SETD2: variants seen among roughly 807,000 people sequenced by gnomAD.
SETD2 encodes histone-lysine N-methyltransferase SETD2.
SETD2 carries 31 observed loss-of-function variants against 242.1 expected under a neutral mutation model. The observed-to-expected ratio is 0.13, with a 90% CI of 0.10 to 0.17. SETD2 has a LOEUF of 0.17. Ranked by LOEUF, SETD2 falls within the 10% of genes least tolerant of loss-of-function variation. The pLI, the probability that SETD2 is intolerant of heterozygous loss-of-function variation, is 1.00. For synonymous variants in SETD2, 1,006 were observed against 1,066.5 expected (o/e 0.94, Z 1.11); for missense variants, 2,481 against 3,046.3 (o/e 0.81, Z 4.37).
intron 9 of SETD2, among the ~76,000 whole-genome samples, chr3:47,091,658 G>C (rs1241353953): frequency 6.6e-6 from 1 of 152,158 alleles, no homozygotes; most frequent in African/African-American, 2.4e-5. Flanking sequence ...AGCTACTCAG[G>C]AGGCTGTGGC....
intron 5 of SETD2, among the ~76,000 whole-genome samples, chr3:47,112,264 G>A (rs1469982565): frequency 3.3e-5 from 5 of 151,518 alleles, no homozygotes; most frequent in East Asian, 2.0e-4. Context: ...ACAGCTGTGC[G>A]CCATCATGCC....
chr3:47,040,569 A>AGTTTT (rs2039232137), intron 17 of SETD2, among the ~76,000 whole-genome samples: 1 of 91,740 alleles, frequency 1.1e-5, no homozygotes, highest in Non-Finnish European at 2.0e-5. Flanking sequence ...AGGGAAAAGG[A>AGTTTT]TTTTTTTTTT....
intron 13 of SETD2, among the ~76,000 whole-genome samples, chr3:47,064,301 C>T (rs1294341892): frequency 3.3e-5 from 5 of 152,096 alleles, no homozygotes; most frequent in Non-Finnish European, 7.3e-5. Flanking sequence ...TATGAGCATT[C>T]GTCAACAAGA....
At chr3:47,053,901 T>C (rs2039952936) in intron 15 of SETD2, among the ~76,000 whole-genome samples, 1 of 152,230 alleles carries the variant, frequency 6.6e-6, no homozygotes, top group South Asian at 2.1e-4. Context: ...GAATCTATCA[T>C]TATTAATATC....
chr3:47,106,526 A>AAAAC (rs1559726485), intron 5 of SETD2, among the ~76,000 whole-genome samples: 3 of 133,262 alleles, frequency 2.3e-5, no homozygotes, highest in African/African-American at 8.1e-5. Flanking sequence ...AAAAAAAAAA[A>AAAAC]GGCAGCCGGG....
rs1035201331 is a variant in SETD2, at chr3:47,124,240, T to C, written c.396A>G (p.Pro132=). The C allele has an allele frequency of 2.6e-6, 4 of 1,551,742 alleles. No individual in the cohort carries two copies. The highest frequency in any genetic ancestry group is 3.5e-6 in the Non-Finnish European group (4 of 1,146,990). Residue 132 remains proline (P), a synonymous_variant, in exon 3 of 21, where the codon CCA becomes CCG. Transcript: ENST00000409792. ...TGCCCAATTCCACCCTTGACTTTGG[T>C]GGGGAAGATTCTTCTGCAGTAGATA... is the stretch of plus-strand genomic sequence containing the variant. The part of the protein sequence containing the change: ...DTLSTAEESS[P]PKSRVELGKI...
chr3:47,141,852 TAA>T (rs1050056036), intron 1 of SETD2, among the ~76,000 whole-genome samples: 3 of 152,168 alleles, frequency 2.0e-5, no homozygotes, highest in Admixed American at 6.5e-5. Flanking sequence ...CTGGTTTTGG[TAA>T]AGAGTTTAAG....
At chr3:47,036,746 T>C (rs1459984645) in intron 18 of SETD2, among the ~76,000 whole-genome samples, 7 of 151,156 alleles carry the variant, frequency 4.6e-5, no homozygotes, top group Admixed American at 4.6e-4. Flanking sequence ...CTACTACAAA[T>C]ACAAAAATTA....
chr3:47,047,378 C>CT (rs1168857702), intron 15 of SETD2, among the ~76,000 whole-genome samples: 119 of 152,224 alleles, frequency 7.8e-4, no homozygotes, highest in Non-Finnish European at 8.8e-5. Context: ...AGAAAATCTG[C>CT]TTAAATAAGA....
intron 5 of SETD2, among the ~76,000 whole-genome samples, chr3:47,110,296 G>A (rs2042600574): frequency 6.6e-6 from 1 of 152,156 alleles, no homozygotes; most frequent in Admixed American, 6.6e-5. Context: ...TGCTTAACAG[G>A]CAGAGTTAGT....
rs1410684482 is a variant in SETD2, at chr3:47,163,918, G to C, written c.7C>G (p.Gln3Glu). Residue 3 changes from glutamine to glutamate, a missense_variant, in exon 1 of 21, where the codon CAG becomes GAG. Physicochemically the swap from Gln to Glu is conservative, Grantham distance 29. Around this residue, in one of 17 missense-constraint regions of SETD2, gnomAD observed 334 missense variants for 374.5 expected, o/e 0.89. Coordinates refer to ENST00000409792, the MANE Select transcript of SETD2 (RefSeq NM_014159.7). MK[Q>E]LQPQPPPKMG... is the part of the protein sequence containing the mutation. ...TTCGGAGGCGGCTGCGGCTGCAGCT[G>C]CTTCATCGGGAGCGGCTGGAGACGG... 1.5e-6 allele frequency: 2 copies of C among 1,309,072 alleles called. No homozygotes were observed. Among genetic ancestry groups the C allele is most frequent in the Admixed American group, 6.4e-5 (2 of 31,174 alleles). 81.1% of individuals were successfully genotyped at this position (1,309,072 alleles called of 1,614,324 possible).
chr3:47,025,378 C>T (rs1575652959), intron 18 of SETD2, among the ~76,000 whole-genome samples: 1 of 152,300 alleles, frequency 6.6e-6, no homozygotes, highest in East Asian at 1.9e-4. Flanking sequence ...AATTTGATTT[C>T]ACTATTACTG....
At chr3:47,071,482 C>T (rs951135311) in intron 12 of SETD2, among the ~76,000 whole-genome samples, 3 of 152,138 alleles carry the variant, frequency 2.0e-5, no homozygotes, top group South Asian at 4.1e-4. Context: ...ATATACCCTA[C>T]GCTTTTATCC....
At chr3:47,124,915 T>C (rs145698684) in intron 2 of SETD2, among the ~76,000 whole-genome samples, 1 of 152,174 alleles carries the variant, frequency 6.6e-6, no homozygotes, top group Non-Finnish European at 1.5e-5. Context: ...AAGGGCAATA[T>C]CTAACATCTC....
rs896869807 is a variant in SETD2 at position 47,116,548 on chromosome 3, CTTCA to C, written c.4586+71_4586+74del. On this transcript the variant is annotated intron_variant, in intron 4 of 20. Transcript: ENST00000409792. ...GGTAGGAGAAAGGTTAAATTTTATT[CTTCA>C]TTGATAATTCAATATTTAGAGACAT... is the stretch of plus-strand genomic sequence containing the variant. 69 of 1,455,572 alleles carry C rather than the reference CTTCA, an allele frequency of 4.7e-5. No individual in the cohort carries two copies. In the African/African-American group the frequency reaches 6.7e-4, roughly 14 times the overall value. 90.2% of individuals were successfully genotyped at this position (1,455,572 alleles called of 1,614,324 possible).
At position 47,121,363 on chromosome 3, in the gene SETD2, A is replaced by T. The variant is rs2106647547; in HGVS notation, c.3273T>A (p.Ser1091Arg). The change falls in exon 3 of 21, where the codon AGT becomes AGA. Residue 1091 changes from serine to arginine, a missense_variant. Around this residue, in one of 17 missense-constraint regions of SETD2, gnomAD observed 1,300 missense variants for 1,259.2 expected, o/e 1.03. Transcript: ENST00000409792. ...EETSPCSSRSSQSYRHYSDHW... is the reference protein window; with the variant it reads ...EETSPCSSRSRQSYRHYSDHW... The stretch of plus-strand genomic sequence containing the variant: ...GGTCAGAATAGTGTCTATAACTTTG[A>T]CTGCTCCGAGAAGAACAAGGACTTG... 6.2e-7 allele frequency: 1 copy of T among 1,609,780 alleles called. No individual in the cohort carries two copies. Among genetic ancestry groups the T allele is most frequent in the Non-Finnish European group, 8.5e-7 (1 of 1,180,016 alleles).
At chr3:47,105,205 T>C (rs1695798378) in intron 6 of SETD2, among the ~76,000 whole-genome samples, 1 of 150,522 alleles carries the variant, frequency 6.6e-6, no homozygotes, top group Admixed American at 6.6e-5. Context: ...AGGCCAGGAG[T>C]TCAAGACCAG....
chr3:47,133,187 A>G (rs1282614239), intron 1 of SETD2, among the ~76,000 whole-genome samples: 1 of 152,150 alleles, frequency 6.6e-6, no homozygotes, highest in African/African-American at 2.4e-5. Context: ...GGTGAAGGGT[A>G]TATAGGAAAT....
At chr3:47,114,600 T>C (rs1189434899) in intron 4 of SETD2, among the ~76,000 whole-genome samples, 1 of 152,116 alleles carries the variant, frequency 6.6e-6, no homozygotes, top group Non-Finnish European at 1.5e-5. Flanking sequence ...CAGAGGGGGC[T>C]GAGTACGGTG....
Sources: allele counts gnomAD v4.1 joint callset (sites outside exome capture counted in the v4.1 genomes callset), GRCh38; gene constraint gnomAD v4.1.1; regional missense constraint gnomAD v4.1.1; transcripts MANE v1.5; gene names NCBI Gene and HGNC (gene_info 2026-07-23, HGNC 2026-07-21).